RYR2: variants seen among roughly 807,000 people sequenced by gnomAD.
RYR2 encodes the protein ryanodine receptor 2.
Under a neutral mutation model 601.1 loss-of-function variants are expected in RYR2, and 227 were observed. The ratio of observed to expected loss-of-function variants is 0.38; its 90% CI spans 0.34 to 0.42. RYR2 has a LOEUF of 0.42. RYR2 is among the 10% of genes least tolerant of loss of function. The probability of loss-of-function intolerance (pLI) is 1.00; values close to 1 mark genes in which losing one functional copy is unlikely to be tolerated. For missense variants in RYR2, 4,646 were observed against 6,156.5 expected (o/e 0.75, Z 8.21); for synonymous variants, 2,223 against 2,175.1 (o/e 1.02, Z -0.61).
intron 1 of RYR2, among the ~76,000 whole-genome samples, chr1:237,259,235 T>C (rs1227473706): frequency 6.6e-6 from 1 of 152,040 alleles, no homozygotes; most frequent in African/African-American, 2.4e-5. Context: ...GGACCAGGCA[T>C]GGTAGCTCAC....
Position 237,496,510 on chromosome 1 carries a change from G to A in RYR2, c.1962-1G>A. On this transcript the variant is annotated splice_acceptor_variant, in intron 19 of 104. Transcript: ENST00000366574. LOFTEE classifies it high-confidence loss of function. ...TACATGTGATTCCCGTCTCTTTAAA[G>A]CATGAGACCCAATATTTTTCTGGGC... 3.7e-6 allele frequency: 6 copies of A among 1,613,662 alleles called. No homozygotes were observed. The highest frequency in any genetic ancestry group is 5.1e-6 in the Non-Finnish European group (6 of 1,179,574).
chr1:237,515,672 T>TTTCC (rs71180028), intron 24 of RYR2, among the ~76,000 whole-genome samples: 19,280 of 104,622 alleles, frequency 0.18, 2,630 homozygotes, highest in South Asian at 0.3. Context: ...CCTCCCTTTT[T>TTTCC]TTCCTTCCTT....
At chr1:237,049,369 G>A (rs995343591) in intron 1 of RYR2, among the ~76,000 whole-genome samples, 3 of 152,226 alleles carry the variant, frequency 2.0e-5, no homozygotes, top group South Asian at 2.1e-4. Flanking sequence ...TATTAATCAC[G>A]GGAAGAACAT....
chr1:237,233,472 CTTATCCAGCAA>C (rs970186649), intron 1 of RYR2, among the ~76,000 whole-genome samples: 1 of 151,794 alleles, frequency 6.6e-6, no homozygotes, highest in African/African-American at 2.4e-5. Flanking sequence ...TCTTCTTGAT[CTTATCCAGCAA>C]TTTTATATTA....
chr1:237,536,989 A>C (rs1374601571), intron 25 of RYR2, among the ~76,000 whole-genome samples: 1 of 152,056 alleles, frequency 6.6e-6, no homozygotes, highest in Non-Finnish European at 1.5e-5. Context: ...TTCATAAAAA[A>C]CCCCTGCAGA....
chr1:237,127,343 A>C (rs1671556925), intron 1 of RYR2, among the ~76,000 whole-genome samples: 2 of 150,744 alleles, frequency 1.3e-5, no homozygotes, highest in African/African-American at 2.4e-5. Context: ...GGGGCTCCTC[A>C]CTTCCCAGTA....
rs746319435 is a variant in RYR2, at chr1:237,634,979, C to T, written c.6779C>T (p.Pro2260Leu). 3.8e-6 allele frequency: 6 copies of T among 1,594,130 alleles called. No individual in the cohort carries two copies. The highest frequency in any genetic ancestry group is 2.2e-5 in the East Asian group (1 of 44,508). The change falls in exon 44 of 105, where the codon CCG (proline) becomes CTG (leucine). Residue 2260 changes from proline to leucine, a missense_variant. Transcript: ENST00000366574. ...GAACTAGCATTAGCTCTGCGTGAGCCGGATCTAGAAAAGGTGAGCAATGTT... is the reference window on the plus strand; with the variant it reads ...GAACTAGCATTAGCTCTGCGTGAGCTGGATCTAGAAAAGGTGAGCAATGTT... ...NNELALALRE[P>L]DLEKVVRYLA... is the part of the protein sequence containing the mutation.
rs926338576 is a variant in RYR2 at position 237,674,784 on chromosome 1, A to G, written c.8768A>G (p.Tyr2923Cys). The G allele has an allele frequency of 1.9e-6, 3 of 1,612,634 alleles. No homozygotes were observed. Among genetic ancestry groups the G allele is most frequent in the Non-Finnish European group, 2.5e-6 (3 of 1,178,986 alleles). ...DTPSIEKRFA[Y>C]SFLQQLIRYV... ...CCTTCTATTGAGAAACGATTTGCCT[A>G]TAGTTTCCTCCAACAACTCATTCGC... Residue 2923 changes from tyrosine to cysteine, a missense_variant, in exon 60 of 105, where the codon TAT becomes TGT. This residue lies in a region of RYR2 where 1,497 missense variants were observed against 1,842.6 expected (regional missense o/e 0.81). Coordinates refer to ENST00000366574, the MANE Select transcript of RYR2 (RefSeq NM_001035.3).
At chr1:237,670,891 G>T (rs1241580526) in intron 58 of RYR2, among the ~76,000 whole-genome samples, 6 of 152,106 alleles carry the variant, frequency 3.9e-5, no homozygotes, top group Non-Finnish European at 8.8e-5. Context: ...GGAACATTTG[G>T]ATTTCAGATT....
chr1:237,232,672 A>T (rs1685122757), intron 1 of RYR2, among the ~76,000 whole-genome samples: 1 of 152,142 alleles, frequency 6.6e-6, no homozygotes, highest in Non-Finnish European at 1.5e-5. Context: ...CTACGTCTGG[A>T]CTGGTTACCA....
intron 25 of RYR2, among the ~76,000 whole-genome samples, chr1:237,536,431 G>T (rs1668615125): frequency 1.3e-5 from 2 of 150,876 alleles, no homozygotes; most frequent in Admixed American, 1.3e-4. Context: ...AATTAGCCGG[G>T]TGGCCGGGCG....
At chr1:237,356,641 A>C (rs1044626191) in intron 4 of RYR2, among the ~76,000 whole-genome samples, 4 of 152,102 alleles carry the variant, frequency 2.6e-5, no homozygotes, top group African/African-American at 9.7e-5. Flanking sequence ...TAATTCTTAG[A>C]GCCCACATTG....
intron 2 of RYR2, among the ~76,000 whole-genome samples, chr1:237,311,771 T>C (rs190546164): frequency 3.3e-5 from 5 of 152,226 alleles, no homozygotes; most frequent in Admixed American, 3.3e-4. Context: ...GAACCACCAT[T>C]GTCGGGACTG....
At position 237,350,627 on chromosome 1, in the gene RYR2, A is replaced by ATC. The variant is rs1418523517; in HGVS notation, c.274-5337_274-5336insCT. ...AATATATATATATATATATATATAT[A>ATC]TATATATCTCTGACCTCTGAGAAAG... On this transcript the variant is annotated intron_variant, in intron 3 of 104. Coordinates refer to ENST00000366574, the MANE Select transcript of RYR2 (RefSeq NM_001035.3). Among the ~76,000 whole-genome samples the ATC allele has an allele frequency of 1.1e-3, 139 of 124,424 alleles. 2 individuals carry two copies. The highest frequency in any genetic ancestry group is 4.1e-3 in the African/African-American group (133 of 32,694). The allele number at this position is 124,424 out of a possible 152,430, so 81.6% of individuals were successfully genotyped here.
chr1:237,051,319 TCCCTCCCCTCCCCTC>T (rs1229230949), intron 1 of RYR2, among the ~76,000 whole-genome samples: 1 of 123,670 alleles, frequency 8.1e-6, no homozygotes, highest in African/African-American at 3.1e-5. Flanking sequence ...TTTATCTCTC[TCCCTCCCCTCCCCTC>T]CCCTCCCCTC....
At chr1:237,693,585 T>G (rs1219033112) in intron 63 of RYR2, among the ~76,000 whole-genome samples, 1 of 152,184 alleles carries the variant, frequency 6.6e-6, no homozygotes, top group Non-Finnish European at 1.5e-5. Flanking sequence ...TAGAACCCAA[T>G]GTATAACATC....
chr1:237,389,360 C>T (rs904614655), intron 10 of RYR2, among the ~76,000 whole-genome samples: 2 of 152,092 alleles, frequency 1.3e-5, no homozygotes, highest in Non-Finnish European at 2.9e-5. Context: ...ATCCTTAGTG[C>T]CATTCCCGTG....
intron 101 of RYR2, among the ~76,000 whole-genome samples, chr1:237,825,857 G>A (rs1233602510): frequency 1.3e-5 from 2 of 152,136 alleles, no homozygotes; most frequent in Admixed American, 1.3e-4. Flanking sequence ...AGTGGGTGAA[G>A]GATATGAACA....
At chr1:237,133,037 T>C (rs1558293909) in intron 1 of RYR2, among the ~76,000 whole-genome samples, 1 of 152,150 alleles carries the variant, frequency 6.6e-6, no homozygotes, top group African/African-American at 2.4e-5. Flanking sequence ...TGATGGCTGA[T>C]TGACATGCTC....
Sources: allele counts gnomAD v4.1 joint callset (sites outside exome capture counted in the v4.1 genomes callset), GRCh38; gene constraint gnomAD v4.1.1; regional missense constraint gnomAD v4.1.1; transcripts MANE v1.5; gene names NCBI Gene and HGNC (gene_info 2026-07-23, HGNC 2026-07-21).